LYN: variants seen among roughly 807,000 people sequenced by gnomAD.
The protein encoded by LYN is LYN proto-oncogene, Src family tyrosine kinase, also known as tyrosine-protein kinase Lyn.
LYN carries 12 observed loss-of-function variants against 65.0 expected under a neutral mutation model. The ratio of observed to expected loss-of-function variants is 0.18; its 90% CI spans 0.12 to 0.30. The LOEUF is 0.30. Among genes scored for constraint, LYN ranks in the 10% least tolerant of loss-of-function variants. LYN has a pLI of 1.00. For missense variants in LYN, 380 were observed against 623.2 expected (o/e 0.61, Z 4.16); for synonymous variants, 222 against 221.2 (o/e 1.00, Z -0.03).
chr8:55,978,568 G>A (rs1176746340), intron 10 of LYN, among the ~76,000 whole-genome samples: 1 of 152,196 alleles, frequency 6.6e-6, no homozygotes, highest in Non-Finnish European at 1.5e-5. Flanking sequence ...CATATAAATA[G>A]GGGTTGGATG....
intron 12 of LYN, among the ~76,000 whole-genome samples, chr8:56,006,427 G>A (rs903775559): frequency 6.6e-6 from 1 of 152,190 alleles, no homozygotes; most frequent in African/African-American, 2.4e-5. Flanking sequence ...CTGTGTGACT[G>A]AAGACTGTCA....
At chr8:55,905,709 AGGGAGAGCCTCACTCCTCTCCCATCTGTT>A (rs1283725043) in intron 1 of LYN, among the ~76,000 whole-genome samples, 1 of 152,138 alleles carries the variant, frequency 6.6e-6, no homozygotes, top group Non-Finnish European at 1.5e-5. Flanking sequence ...GCAGGGGAGC[AGGGAGAGCCTCACTCCTCTCCCATCTGTT>A]GGGAGAGCCT....
Position 55,880,019 on chromosome 8 carries a change from C to A in LYN, c.-90C>A, listed in dbSNP as rs1485274460. On this transcript the variant is annotated 5_prime_UTR_variant, in exon 1 of 13. Coordinates refer to ENST00000519728, the MANE Select transcript of LYN (RefSeq NM_002350.4). ...GCCAGCAGCCTCCCCATACGCAGGT[C>A]CTGCTGGGCCGCCCCGTCGCGCCCC... is the stretch of plus-strand genomic sequence containing the variant. The A allele has an allele frequency of 6.5e-6, 2 of 306,674 alleles. No individual in the cohort carries two copies. Among genetic ancestry groups the A allele is most frequent in the Admixed American group, 8.1e-5 (2 of 24,642 alleles). The allele number at this position is 306,674 out of a possible 1,614,324, so 19.0% of individuals were successfully genotyped here.
intron 10 of LYN, among the ~76,000 whole-genome samples, chr8:55,976,590 CAG>C (rs796427700): frequency 9.2e-5 from 14 of 152,194 alleles, no homozygotes; most frequent in African/African-American, 3.1e-4. Flanking sequence ...CAGGCAAAGA[CAG>C]GGTACAGCCC....
chr8:55,931,623 A>G (rs1314565838), intron 1 of LYN, among the ~76,000 whole-genome samples: 1 of 152,044 alleles, frequency 6.6e-6, no homozygotes, highest in Non-Finnish European at 1.5e-5. Context: ...AAATGATATC[A>G]TGCTATATAT....
chr8:55,888,637 G>A (rs1207191986), intron 1 of LYN, among the ~76,000 whole-genome samples: 4 of 152,216 alleles, frequency 2.6e-5, no homozygotes, highest in Non-Finnish European at 2.9e-5. Flanking sequence ...GACAGCAATA[G>A]GCTTCAGCTT....
chr8:55,938,591 A>G (rs1806508763), intron 1 of LYN, among the ~76,000 whole-genome samples: 1 of 152,108 alleles, frequency 6.6e-6, no homozygotes, highest in South Asian at 2.1e-4. Flanking sequence ...CAATGTTACC[A>G]CATTCGCATT....
rs767796440 is a variant in LYN at position 56,010,013 on chromosome 8, A to G, written c.1442A>G (p.Lys481Arg). The G allele has an allele frequency of 3.1e-6, 5 of 1,614,168 alleles. No individual in the cohort carries two copies. The Admixed American group carries it at 8.3e-5, about 27-fold the overall frequency. Reference protein sequence around the residue: ...ELYDIMKMCWKEKAEERPTFD... With the variant: ...ELYDIMKMCWREKAEERPTFD... ...TATGACATTATGAAAATGTGCTGGAAAGAAAAGGCAGAAGAGAGACCAACG... is the reference window on the plus strand; with the variant it reads ...TATGACATTATGAAAATGTGCTGGAGAGAAAAGGCAGAAGAGAGACCAACG... The change falls in exon 13 of 13, where the codon AAA becomes AGA. Residue 481 changes from lysine to arginine, a missense_variant. Coordinates refer to ENST00000519728, the MANE Select transcript of LYN (RefSeq NM_002350.4).
chr8:55,966,049 C>T (rs1254586420), intron 8 of LYN, among the ~76,000 whole-genome samples: 1 of 152,088 alleles, frequency 6.6e-6, no homozygotes, highest in African/African-American at 2.4e-5. Flanking sequence ...CGCTTGAAAC[C>T]AGGAGGTGGA....
chr8:55,975,395 G>A (rs1807724984), intron 10 of LYN, among the ~76,000 whole-genome samples: 1 of 152,182 alleles, frequency 6.6e-6, no homozygotes, highest in South Asian at 2.1e-4. Context: ...CTGTGAGATG[G>A]GAGGCACAGG....
chr8:55,903,222 A>G (rs974555407), intron 1 of LYN, among the ~76,000 whole-genome samples: 1 of 151,782 alleles, frequency 6.6e-6, no homozygotes, highest in African/African-American at 2.4e-5. Flanking sequence ...CGAACTCCTC[A>G]CCTCAAGTGA....
intron 1 of LYN, among the ~76,000 whole-genome samples, chr8:55,909,394 A>G (rs1345500654): frequency 2.0e-5 from 3 of 152,126 alleles, no homozygotes; most frequent in Non-Finnish European, 2.9e-5. Flanking sequence ...GCGCTGCCAT[A>G]GGTTCCACCT....
chr8:55,998,313 C>T, intron 10 of LYN, 33 bp from the exon 11 acceptor site: 2 of 1,587,196 alleles, frequency 1.3e-6, no homozygotes, highest in Non-Finnish European at 1.7e-6. Context: ...ACCTACCCTA[C>T]ATATGAAAAT....
At chr8:55,977,625 C>T (rs577277357) in intron 10 of LYN, among the ~76,000 whole-genome samples, 2 of 151,912 alleles carry the variant, frequency 1.3e-5, no homozygotes, top group East Asian at 3.9e-4. Context: ...GCCCAGAGCT[C>T]ATCTCTGTCT....
chr8:55,997,881 G>A (rs111849184), intron 10 of LYN, among the ~76,000 whole-genome samples: 1 of 152,222 alleles, frequency 6.6e-6, no homozygotes, highest in African/African-American at 2.4e-5. Context: ...TCAGGAGATC[G>A]AGACCATCCT....
At chr8:55,881,719 C>T (rs2130341484) in intron 1 of LYN, among the ~76,000 whole-genome samples, 1 of 152,308 alleles carries the variant, frequency 6.6e-6, no homozygotes, top group Admixed American at 6.5e-5. Context: ...TGGGATAAGC[C>T]ACTTGGGCCA....
In LYN at chr8:56,013,832, T is replaced by C. The variant is rs1346722835; in HGVS notation, c.*3722T>C. The C allele has an allele frequency of 1.3e-5, 2 of 152,256 alleles. No homozygotes were observed. The highest frequency in any genetic ancestry group is 2.9e-5 in the Non-Finnish European group (2 of 68,048). 9.4% of individuals were successfully genotyped at this position (152,256 alleles called of 1,614,324 possible). On this transcript the variant is annotated 3_prime_UTR_variant, in exon 13 of 13. Coordinates refer to ENST00000519728, the MANE Select transcript of LYN (RefSeq NM_002350.4). ...CTTTCCTCTTAGCATCTTCCTTTAT[T>C]TTCCACTTCTGGCTGGTGGAAGAGA...
intron 10 of LYN, among the ~76,000 whole-genome samples, chr8:55,997,911 C>A (rs376326368): frequency 1.6e-3 from 241 of 152,014 alleles, no homozygotes; most frequent in African/African-American, 4.8e-3. Context: ...GGTGAAACCC[C>A]GTCTCTACTA....
chr8:55,940,945 C>T (rs1430658610), intron 1 of LYN, among the ~76,000 whole-genome samples: 1 of 152,140 alleles, frequency 6.6e-6, no homozygotes, highest in Non-Finnish European at 1.5e-5. Flanking sequence ...CTTTTACCTG[C>T]GCTAGTACTC....
Sources: gnomAD v4.1 joint callset for allele counts (sites outside exome capture counted in the v4.1 genomes callset) on GRCh38, gnomAD v4.1.1 for gene constraint, MANE v1.5 for transcripts, NCBI Gene and HGNC (gene_info 2026-07-23, HGNC 2026-07-21) for gene names.